The following IVNS1ABP variants were observed in gnomAD, a reference collection of about 807,000 sequenced individuals.
IVNS1ABP encodes the protein influenza virus NS1A binding protein, also known as influenza virus NS1A-binding protein.
A neutral mutation model predicts 78.9 loss-of-function variants in IVNS1ABP; 25 were observed. That is an observed-to-expected ratio of 0.32 (90% CI 0.23 to 0.44). The LOEUF is 0.44. Among genes scored for constraint, IVNS1ABP ranks in the 20% least tolerant of loss-of-function variants. IVNS1ABP has a pLI of 1.00. For missense variants in IVNS1ABP, 494 were observed against 768.9 expected, an observed-to-expected ratio of 0.64 and a Z score of 4.23; for synonymous variants, 241 against 259.7, an observed-to-expected ratio of 0.93 and a Z score of 0.69.
At chr1:185,311,466 GA>G (rs1665883774) in intron 1 of IVNS1ABP, 144 bp from the exon 2 acceptor site, 1 of 295,350 alleles carries the variant, frequency 3.4e-6, no homozygotes, top group Non-Finnish European at 6.1e-6. Context: ...CATAAAAAAA[GA>G]ACACAAATGC....
chr1:185,302,448 C>T (rs1443962341), intron 8 of IVNS1ABP, among the ~76,000 whole-genome samples: 1 of 152,172 alleles, frequency 6.6e-6, no homozygotes, highest in Non-Finnish European at 1.5e-5. Flanking sequence ...GTAGCAACTT[C>T]AGCACCTGGC....
intron 8 of IVNS1ABP, among the ~76,000 whole-genome samples, chr1:185,304,310 A>C (rs1365118504): frequency 1.3e-5 from 2 of 152,204 alleles, no homozygotes; most frequent in African/African-American, 4.8e-5. Flanking sequence ...CAACCTCTGC[A>C]TGTTGAAAAT....
intron 8 of IVNS1ABP, among the ~76,000 whole-genome samples, chr1:185,303,163 G>T (rs1163088911): frequency 1.3e-5 from 2 of 152,038 alleles, no homozygotes; most frequent in Non-Finnish European, 2.9e-5. Flanking sequence ...CTGTACTGAA[G>T]TAAAAAAACT....
At chr1:185,315,553 T>C (rs1333769647) in intron 1 of IVNS1ABP, among the ~76,000 whole-genome samples, 2 of 152,208 alleles carry the variant, frequency 1.3e-5, no homozygotes, top group Admixed American at 1.3e-4. Flanking sequence ...ATTATAAGCT[T>C]GATAAGCAGC....
chr1:185,308,263 G>A (rs984258643), intron 5 of IVNS1ABP, among the ~76,000 whole-genome samples: 13 of 152,146 alleles, frequency 8.5e-5, no homozygotes, highest in South Asian at 2.1e-4. Flanking sequence ...GCTCAATTCC[G>A]TCACTGTAGC....
At position 185,300,019 on chromosome 1, in the gene IVNS1ABP, C is replaced by T. The variant is rs756285277; in HGVS notation, c.1481G>A (p.Ser494Asn). 1.9e-6 allele frequency: 3 copies of T among 1,613,010 alleles called. No homozygotes were observed. The Admixed American group carries it at 5.0e-5, about 27-fold the overall frequency. The change falls in exon 13 of 15, where the codon AGC becomes AAC. Residue 494 changes from serine to asparagine, a missense_variant. Ser to Asn is a conservative substitution (Grantham distance 46). Transcript: ENST00000367498. ...VFDPVTKLWT[S>N]CAPLNIRRHQ... ...CTTACGAATGTTAAGAGGGGCACAG[C>T]TTGTCCACAACTTTGTTACAGGATC...
rs1665433588 is a variant in IVNS1ABP at position 185,296,901 on chromosome 1, T to C, written c.*1134A>G. 6.6e-6 allele frequency: 1 copy of C among 152,182 alleles called. No homozygotes were observed. The allele number at this position is 152,182 out of a possible 1,614,324, so 9.4% of individuals were successfully genotyped here. The stretch of plus-strand genomic sequence containing the variant: ...CAGCAATTGGATATTAATCCCATGG[T>C]GCAAGGATTTCCTGCAAAGTACCTT... On this transcript the variant is annotated 3_prime_UTR_variant, in exon 15 of 15. Coordinates refer to ENST00000367498, the MANE Select transcript of IVNS1ABP (RefSeq NM_006469.5).
Position 185,299,944 on chromosome 1 carries a change from A to G in IVNS1ABP, c.1501+55T>C, listed in dbSNP as rs1453981712. 7 of 1,611,282 alleles carry G rather than the reference A, an allele frequency of 4.3e-6. No homozygotes were observed. The Admixed American group carries it at 1.0e-4, about 23-fold the overall frequency. The stretch of plus-strand genomic sequence containing the variant: ...CTCCCAGACTCTAAGTGTATACTAC[A>G]CATACTGTTGATTTGAAGGTCTTTA... On this transcript the variant is annotated intron_variant, in intron 13 of 14. Coordinates refer to ENST00000367498, the MANE Select transcript of IVNS1ABP (RefSeq NM_006469.5).
chr1:185,303,748 AC>A (rs762681355), intron 8 of IVNS1ABP, among the ~76,000 whole-genome samples: 5 of 152,160 alleles, frequency 3.3e-5, no homozygotes, highest in East Asian at 3.9e-4. Context: ...CTGGGCTCAA[AC>A]TTTTATTGAT....
chr1:185,305,450 C>G lies in IVNS1ABP; in HGVS notation c.765+86G>C. ...TATACCAATGAAATTGGTCCACTTT[C>G]CTTTATTAAAGGAAAATTTAAGTAT... On this transcript the variant is annotated intron_variant, in intron 8 of 14. Coordinates refer to ENST00000367498, the MANE Select transcript of IVNS1ABP (RefSeq NM_006469.5). The surrounding 1 kb of genome is among the most constrained non-coding windows in gnomAD (Gnocchi z 4.0). 1 of 1,475,744 alleles carries G rather than the reference C, an allele frequency of 6.8e-7. No homozygotes were observed. Among genetic ancestry groups the G allele is most frequent in the South Asian group, 1.2e-5 (1 of 80,300 alleles). The allele number at this position is 1,475,744 out of a possible 1,614,324, so 91.4% of individuals were successfully genotyped here.
At position 185,317,105 on chromosome 1, in the gene IVNS1ABP, A is replaced by T. The variant is rs1666057147; in HGVS notation, c.-399T>A. On this transcript the variant is annotated 5_prime_UTR_variant, in exon 1 of 15. Coordinates refer to ENST00000367498, the MANE Select transcript of IVNS1ABP (RefSeq NM_006469.5). Reference sequence around the variant, plus strand: ...AAGGACGAGGGGCCAGTCCGTGGAGACTGAAAGGAAGGGGGAGCGCCACCG... The same window carrying T: ...AAGGACGAGGGGCCAGTCCGTGGAGTCTGAAAGGAAGGGGGAGCGCCACCG... The T allele has an allele frequency of 2.5e-6, 1 of 396,888 alleles. No individual in the cohort carries two copies. The highest frequency in any genetic ancestry group is 4.4e-6 in the Non-Finnish European group (1 of 225,666). The allele number at this position is 396,888 out of a possible 1,614,324, so 24.6% of individuals were successfully genotyped here.
At chr1:185,301,389 A>G in intron 9 of IVNS1ABP, 45 bp downstream of exon 9, 1 of 1,604,848 alleles carries the variant, frequency 6.2e-7, no homozygotes, top group Non-Finnish European at 8.5e-7. Flanking sequence ...CTCCTTCTTA[A>G]AAATAGGTAA....
In IVNS1ABP at chr1:185,316,969, G is replaced by A. The variant is rs1288342006; in HGVS notation, c.-263C>T. ...GCGTATTACCTGGTTCATCTCTGAA[G>A]AGATGGAAACATTCATTTCTAGAGC... On this transcript the variant is annotated 5_prime_UTR_variant, in exon 1 of 15. Coordinates refer to ENST00000367498, the MANE Select transcript of IVNS1ABP (RefSeq NM_006469.5). 1 of 398,452 alleles carries A rather than the reference G, an allele frequency of 2.5e-6. No individual in the cohort carries two copies. Among genetic ancestry groups the A allele is most frequent in the African/African-American group, 2.1e-5 (1 of 48,608 alleles). 24.7% of individuals were successfully genotyped at this position (398,452 alleles called of 1,614,324 possible).
chr1:185,309,104 G>T lies in IVNS1ABP; in HGVS notation c.180C>A (p.Ile60=), dbSNP rs1442289317. The part of the protein sequence containing the change: ...LACCSPYLFE[I]FNSDSDPHGI... ...CATGAGGATCACTATCACTATTAAAGATTTCAAATAAATAGGGACTGCAGC... is the reference window on the plus strand; with the variant it reads ...CATGAGGATCACTATCACTATTAAATATTTCAAATAAATAGGGACTGCAGC... The change falls in exon 4 of 15, where the codon ATC becomes ATA. Residue 60 remains isoleucine, a synonymous_variant. Coordinates refer to ENST00000367498, the MANE Select transcript of IVNS1ABP (RefSeq NM_006469.5). The T allele has an allele frequency of 5.6e-6, 9 of 1,612,412 alleles. No individual in the cohort carries two copies. The highest frequency in any genetic ancestry group is 5.9e-6 in the Non-Finnish European group (7 of 1,178,918).
intron 1 of IVNS1ABP, among the ~76,000 whole-genome samples, chr1:185,311,523 AT>A (rs1014975971): frequency 3.4e-5 from 5 of 148,064 alleles, no homozygotes; most frequent in Admixed American, 3.3e-4. Context: ...AACCCAAGTG[AT>A]TAAAAAAAAA....
At chr1:185,311,943 C>T (rs1343639632) in intron 1 of IVNS1ABP, among the ~76,000 whole-genome samples, 8 of 152,192 alleles carry the variant, frequency 5.3e-5, no homozygotes, top group Admixed American at 5.2e-4. Flanking sequence ...GATCTTCCAG[C>T]TGGTCTGTTT....
At position 185,317,194 on chromosome 1, in the gene IVNS1ABP, G is replaced by A. The variant is rs1666062963; in HGVS notation, c.-488C>T. 2.5e-6 allele frequency: 1 copy of A among 397,984 alleles called. No homozygotes were observed. The highest frequency in any genetic ancestry group is 1.3e-4 in the South Asian group (1 of 7,848). The allele number at this position is 397,984 out of a possible 1,614,324, so 24.7% of individuals were successfully genotyped here. ...CGCCGAAGCAGCAGGCGGAGAAACT[G>A]CGCCCAGCAGCTCTGAGCGACCGAC... On this transcript the variant is annotated 5_prime_UTR_variant, in exon 1 of 15. Coordinates refer to ENST00000367498, the MANE Select transcript of IVNS1ABP (RefSeq NM_006469.5).
chr1:185,311,389 G>A lies in IVNS1ABP; in HGVS notation c.-246-67C>T, dbSNP rs1167789204. ...AAAGACTGTCATTGATCTAGGTAGA[G>A]CAGATCATGTAAAACAAGTCCTGAT... On this transcript the variant is annotated intron_variant, in intron 1 of 14. Transcript: ENST00000367498. The A allele has an allele frequency of 1.5e-5, 6 of 390,928 alleles. No individual in the cohort carries two copies. The Middle Eastern group carries it at 3.2e-3, about 207-fold the overall frequency. The allele number at this position is 390,928 out of a possible 1,614,324, so 24.2% of individuals were successfully genotyped here. A position where few individuals can be genotyped will look rare whatever the true frequency, so the allele number is the denominator to read the frequency against.
rs149008024 is a variant in IVNS1ABP, at chr1:185,311,580, A to G, written c.-246-258T>C. Among the ~76,000 whole-genome samples the G allele has an allele frequency of 8.0e-3, 1,212 of 151,776 alleles. 8 individuals are homozygous for G. Among genetic ancestry groups the G allele is most frequent in the Non-Finnish European group, 0.013 (872 of 67,956 alleles). ...GGGCAGGGGCTAATGACCTATGTTT[A>G]TGAGAGGTATAAAAGCACAAGACTA... On this transcript the variant is annotated intron_variant, in intron 1 of 14. Transcript: ENST00000367498.
Sources: gnomAD v4.1 joint callset for allele counts (sites outside exome capture counted in the v4.1 genomes callset) on GRCh38, gnomAD v4.1.1 for gene constraint, Gnocchi (gnomAD v3.1) non-coding constraint, MANE v1.5 for transcripts, NCBI Gene and HGNC (gene_info 2026-07-23, HGNC 2026-07-21) for gene names.